Variants in GLT8D2 observed in about 807,000 individuals in gnomAD.
GLT8D2 encodes the protein glycosyltransferase 8 domain containing 2, also known as glycosyltransferase 8 domain-containing protein 2.
In GLT8D2, 45 loss-of-function variants were observed where a neutral mutation model predicts 44.5. The ratio of observed to expected loss-of-function variants is 1.01; its 90% CI spans 0.80 to 1.30. The LOEUF (loss-of-function observed/expected upper bound fraction) is 1.30. Ranked by LOEUF, GLT8D2 falls within the 50% of genes most tolerant of loss-of-function variation. The probability of loss-of-function intolerance (pLI) is 0.00; values close to 1 mark genes in which losing one functional copy is unlikely to be tolerated. For missense variants in GLT8D2, 400 were observed against 430.4 expected (o/e 0.93, Z 0.62); for synonymous variants, 156 against 157.2 (o/e 0.99, Z 0.06).
At chr12:104,025,224 T>C (rs1356594535) in intron 1 of GLT8D2, among the ~76,000 whole-genome samples, 1 of 152,110 alleles carries the variant, frequency 6.6e-6, no homozygotes, top group East Asian at 1.9e-4. Context: ...TTTCTTTTTT[T>C]TTGAAACAGG....
chr12:104,063,390 T>C (rs73390481), intron 1 of GLT8D2, among the ~76,000 whole-genome samples: 10,995 of 152,136 alleles, frequency 0.072, 448 homozygotes, highest in South Asian at 0.11. Context: ...CCTTATTAAG[T>C]GTTGCATTGG....
intron 4 of GLT8D2, among the ~76,000 whole-genome samples, chr12:104,008,186 C>T (rs560031814): frequency 2.8e-4 from 42 of 152,188 alleles, no homozygotes; most frequent in African/African-American, 9.6e-4. Flanking sequence ...CAGAAGAAGA[C>T]AGGAAAATGT....
At chr12:104,056,994 G>C (rs1193721506) in intron 1 of GLT8D2, among the ~76,000 whole-genome samples, 2 of 152,226 alleles carry the variant, frequency 1.3e-5, no homozygotes, top group African/African-American at 4.8e-5. Context: ...TTGTGGCAGT[G>C]AAGTTCAAAT....
chr12:103,993,351 G>A (rs774092990), intron 10 of GLT8D2, 41 bp downstream of exon 10: 1 of 1,435,792 alleles, frequency 7.0e-7, no homozygotes, highest in African/African-American at 1.4e-5. Context: ...AAATAAAATG[G>A]ACATTTGCGT....
At chr12:104,046,772 T>C (rs1881191213) in intron 1 of GLT8D2, among the ~76,000 whole-genome samples, 3 of 152,140 alleles carry the variant, frequency 2.0e-5, no homozygotes, top group Non-Finnish European at 2.9e-5. Context: ...TTTTAACTTT[T>C]TGCTATAATG....
intron 3 of GLT8D2, 39 bp from the exon 4 acceptor site, chr12:104,015,144 G>T: frequency 1.3e-6 from 2 of 1,502,238 alleles, no homozygotes; most frequent in Admixed American, 1.7e-5. Flanking sequence ...TTGAACCTAT[G>T]AACCTGAAAT....
intron 10 of GLT8D2, among the ~76,000 whole-genome samples, chr12:103,991,843 AAAG>A (rs1159275409): frequency 2.9e-4 from 43 of 150,186 alleles, no homozygotes; most frequent in South Asian, 1.1e-3. Flanking sequence ...AAAAAAAAAA[AAAG>A]ATTATGGGAC....
intron 1 of GLT8D2, among the ~76,000 whole-genome samples, chr12:104,045,651 G>A (rs904034981): frequency 4.6e-5 from 7 of 152,142 alleles, no homozygotes; most frequent in African/African-American, 7.2e-5. Flanking sequence ...GTTTAGGCAT[G>A]TGGCCAAACC....
At chr12:104,014,398 C>T (rs1876279798) in intron 4 of GLT8D2, 5 of 620,166 alleles carry the variant, frequency 8.1e-6, no homozygotes, top group Non-Finnish European at 1.5e-5. Context: ...AACAGTGCTT[C>T]CTGATTTTTA....
At chr12:104,052,964 A>C (rs973342256), upstream of GLT8D2, among the ~76,000 whole-genome samples, 1 of 152,094 alleles carries the variant, frequency 6.6e-6, no homozygotes, top group African/African-American at 2.4e-5. Context: ...AACGTTGGTC[A>C]CCTCTGGGAA....
At chr12:104,036,325 G>A (rs930329949) in intron 1 of GLT8D2, among the ~76,000 whole-genome samples, 9 of 152,168 alleles carry the variant, frequency 5.9e-5, no homozygotes, top group African/African-American at 2.2e-4. Flanking sequence ...AACCTTAAAT[G>A]TAAATGGACT....
At chr12:104,053,273 C>T (rs1230732345), upstream of GLT8D2, among the ~76,000 whole-genome samples, 3 of 152,238 alleles carry the variant, frequency 2.0e-5, no homozygotes, top group Non-Finnish European at 4.4e-5. Context: ...CTGATTCCAG[C>T]TTCTTTCTCC....
At chr12:104,016,879 A>T in intron 3 of GLT8D2, among the ~76,000 whole-genome samples, 1 of 146,414 alleles carries the variant, frequency 6.8e-6, no homozygotes, top group Non-Finnish European at 1.5e-5. Flanking sequence ...AGAAAGAAAG[A>T]AAGAAAAATA....
At position 103,994,397 on chromosome 12, in the gene GLT8D2, C is replaced by G; in HGVS notation, c.705G>C (p.Met235Ile). 1 of 1,614,118 alleles carries G rather than the reference C, an allele frequency of 6.2e-7. No individual in the cohort carries two copies. Among genetic ancestry groups the G allele is most frequent in the Non-Finnish European group, 8.5e-7 (1 of 1,180,002 alleles). Residue 235 changes from methionine (M) to isoleucine (I), a missense_variant, in exon 9 of 11, where the codon ATG becomes ATC. Met to Ile is a conservative substitution (Grantham distance 10, BLOSUM62 1). Transcript: ENST00000360814. Reference protein sequence around the residue: ...SFNPGVIVANMTEWKHQRITK... With the variant: ...SFNPGVIVANITEWKHQRITK... ...TGATGCGCTGGTGCTTCCATTCTGT[C>G]ATGTTGGCAACAATCACACCAGGAT...
intron 10 of GLT8D2, among the ~76,000 whole-genome samples, chr12:103,992,628 G>A (rs1021675949): frequency 3.3e-5 from 5 of 151,984 alleles, no homozygotes; most frequent in Non-Finnish European, 5.9e-5. Flanking sequence ...GAGTAGCTGG[G>A]ATTGCAGGTG....
At chr12:104,044,472 G>C (rs527437128) in intron 1 of GLT8D2, among the ~76,000 whole-genome samples, 8 of 152,322 alleles carry the variant, frequency 5.3e-5, no homozygotes, top group Admixed American at 4.6e-4. Context: ...AGGGATGAAT[G>C]TGCAACTGTC....
In GLT8D2 at chr12:104,008,546, G is replaced by A. The variant is rs568078102; in HGVS notation, c.113-5240C>T. Among the ~76,000 whole-genome samples, 25 of 152,188 alleles carry A rather than the reference G, an allele frequency of 1.6e-4. No homozygotes were observed. The South Asian group carries it at 5.2e-3, about 32-fold the overall frequency. On this transcript the variant is annotated intron_variant, in intron 4 of 10. Transcript: ENST00000360814. Reference sequence around the variant, plus strand: ...TTCAGAAAATTTGCAGCCTGACAATGTGATAGAAAAAAAAAATAACATTTT... The same window carrying A: ...TTCAGAAAATTTGCAGCCTGACAATATGATAGAAAAAAAAAATAACATTTT...
Position 104,018,528 on chromosome 12 carries a change from A to C in GLT8D2, c.19+1102T>G, listed in dbSNP as rs140092361. Among the ~76,000 whole-genome samples, 387 of 152,294 alleles carry C rather than the reference A, an allele frequency of 2.5e-3. 1 individual carries two copies. The highest frequency in any genetic ancestry group is 0.014 in the East Asian group (75 of 5,192). ...AAACAAAACTACAGAGAAGCAGAAA[A>C]TGGACAGAAAATGGACAAAATTCTA... On this transcript the variant is annotated intron_variant, in intron 3 of 10. Coordinates refer to ENST00000360814, the MANE Select transcript of GLT8D2 (RefSeq NM_001384711.1).
intron 6 of GLT8D2, among the ~76,000 whole-genome samples, chr12:103,998,197 C>T (rs1038964632): frequency 6.6e-6 from 1 of 151,714 alleles, no homozygotes; most frequent in Admixed American, 6.6e-5. Context: ...AAGGTGGCTG[C>T]AGTTTCTGTA....
Sources: gnomAD v4.1 joint callset for allele counts (sites outside exome capture counted in the v4.1 genomes callset) on GRCh38, gnomAD v4.1.1 for gene constraint, MANE v1.5 for transcripts, NCBI Gene and HGNC (gene_info 2026-07-23, HGNC 2026-07-21) for gene names.